Variants in SPAG16 observed in about 807,000 individuals in gnomAD.
SPAG16 encodes sperm-associated antigen 16 protein.
SPAG16 carries 86 observed loss-of-function variants against 80.4 expected under a neutral mutation model. The ratio of observed to expected loss-of-function variants is 1.07; its 90% CI spans 0.90 to 1.28. The LOEUF (loss-of-function observed/expected upper bound fraction) is 1.28, where lower values mean the gene tolerates loss of function less well. SPAG16 is among the 50% of genes most tolerant of loss of function. SPAG16 has a pLI of 0.00. For synonymous variants in SPAG16, 294 were observed against 265.9 expected, an observed-to-expected ratio of 1.11 and a Z score of -1.03; for missense variants, 870 against 765.3, an observed-to-expected ratio of 1.14 and a Z score of -1.61.
chr2:213,780,703 T>A (rs537028050), intron 10 of SPAG16, among the ~76,000 whole-genome samples: 1 of 152,078 alleles, frequency 6.6e-6, no homozygotes, highest in African/African-American at 2.4e-5. Flanking sequence ...GAATAATTTA[T>A]GTACTATTAC....
chr2:213,424,226 G>A (rs1206045732), intron 9 of SPAG16, among the ~76,000 whole-genome samples: 2 of 152,090 alleles, frequency 1.3e-5, no homozygotes, highest in Non-Finnish European at 2.9e-5. Flanking sequence ...TATGAGGAGG[G>A]AAATTTTCAA....
At chr2:213,746,104 C>T (rs886406857) in intron 10 of SPAG16, among the ~76,000 whole-genome samples, 6 of 152,212 alleles carry the variant, frequency 3.9e-5, no homozygotes, top group African/African-American at 1.2e-4. Context: ...AACAGATTTA[C>T]TGAAATTCTG....
chr2:214,283,705 T>C (rs1693134721), intron 15 of SPAG16, among the ~76,000 whole-genome samples: 1 of 152,214 alleles, frequency 6.6e-6, no homozygotes, highest in Non-Finnish European at 1.5e-5. Flanking sequence ...ATTGGCAGAA[T>C]TTTTGCTTGC....
intron 10 of SPAG16, among the ~76,000 whole-genome samples, chr2:213,794,513 C>G (rs1175079019): frequency 6.6e-6 from 1 of 151,960 alleles, no homozygotes; most frequent in African/African-American, 2.4e-5. Context: ...TTTTTCCTTT[C>G]CCTTATGTTG....
At chr2:214,170,182 A>C (rs999074828) in intron 15 of SPAG16, among the ~76,000 whole-genome samples, 4 of 149,344 alleles carry the variant, frequency 2.7e-5, no homozygotes, top group Non-Finnish European at 1.5e-5. Context: ...ATACACATAC[A>C]CTTAGGTGTG....
intron 9 of SPAG16, among the ~76,000 whole-genome samples, chr2:213,442,996 G>A (rs1429853713): frequency 6.6e-6 from 1 of 152,088 alleles, no homozygotes; most frequent in East Asian, 1.9e-4. Flanking sequence ...ATTTGCAGGA[G>A]ACATATCTGA....
intron 11 of SPAG16, among the ~76,000 whole-genome samples, chr2:213,929,000 CTTTTTTTTT>C (rs59993057): frequency 7.3e-5 from 3 of 40,852 alleles, no homozygotes; most frequent in Non-Finnish European, 1.2e-4. Context: ...CTTTTCTTTT[CTTTTTTTTT>C]TTTTTTTTTT....
chr2:214,329,956 A>C (rs533578939), intron 15 of SPAG16, among the ~76,000 whole-genome samples: 2 of 152,076 alleles, frequency 1.3e-5, no homozygotes, highest in African/African-American at 2.4e-5. Flanking sequence ...AAGAGGCCAG[A>C]AAGTAGGCAA....
chr2:214,038,608 T>C (rs1462208490), intron 13 of SPAG16, among the ~76,000 whole-genome samples: 2 of 152,222 alleles, frequency 1.3e-5, no homozygotes, highest in East Asian at 3.9e-4. Context: ...TAGTTACATA[T>C]ATATACATGT....
In SPAG16 at chr2:213,817,294, A is replaced by G. The variant is rs1236207550; in HGVS notation, c.1071-45191A>G. Among the ~76,000 whole-genome samples, 8 of 148,428 alleles carry G rather than the reference A, an allele frequency of 5.4e-5. No homozygotes were observed. The East Asian group carries it at 7.8e-4, about 14-fold the overall frequency. ...ATATATCACAGTCAGAATGGCTACT[A>G]TTAAAAAGTTAAAAAACAGCAGATG... On this transcript the variant is annotated intron_variant, in intron 10 of 15. Transcript: ENST00000331683.
chr2:214,024,400 TA>T (rs1395120774), intron 13 of SPAG16, among the ~76,000 whole-genome samples: 1 of 151,646 alleles, frequency 6.6e-6, no homozygotes. Flanking sequence ...AATTTAGATA[TA>T]GTAAATATAG....
At chr2:213,406,856 C>G (rs752111269) in intron 9 of SPAG16, among the ~76,000 whole-genome samples, 8 of 151,684 alleles carry the variant, frequency 5.3e-5, no homozygotes, top group African/African-American at 7.3e-5. Flanking sequence ...GCACCCAGCC[C>G]TAGTGTGGTG....
chr2:213,771,075 C>T (rs2069217226), intron 10 of SPAG16, among the ~76,000 whole-genome samples: 1 of 152,132 alleles, frequency 6.6e-6, no homozygotes. Context: ...TTTACATTCC[C>T]TCCAAAAGTA....
intron 15 of SPAG16, among the ~76,000 whole-genome samples, chr2:214,227,376 G>A (rs2058720052): frequency 6.6e-6 from 1 of 152,060 alleles, no homozygotes; most frequent in Middle Eastern, 3.4e-3. Flanking sequence ...AGACAAGAGA[G>A]AATTAAGTAA....
At chr2:213,510,846 A>G (rs1259021302) in intron 10 of SPAG16, among the ~76,000 whole-genome samples, 2 of 152,180 alleles carry the variant, frequency 1.3e-5, no homozygotes, top group African/African-American at 2.4e-5. Flanking sequence ...TGTTACTTGT[A>G]TTTCTAAATA....
intron 14 of SPAG16, among the ~76,000 whole-genome samples, chr2:214,115,644 T>C (rs2053894060): frequency 1.3e-5 from 2 of 152,054 alleles, no homozygotes; most frequent in African/African-American, 4.8e-5. Flanking sequence ...TTTGGGAGAC[T>C]GAGGCAGGCA....
At chr2:214,357,271 A>G (rs1252102554) in intron 15 of SPAG16, among the ~76,000 whole-genome samples, 4 of 151,892 alleles carry the variant, frequency 2.6e-5, no homozygotes, top group Non-Finnish European at 4.4e-5. Context: ...ATGGATTATT[A>G]TGTCATTTTC....
At chr2:214,079,136 TAGAA>T (rs2051235051) in intron 13 of SPAG16, among the ~76,000 whole-genome samples, 1 of 152,132 alleles carries the variant, frequency 6.6e-6, no homozygotes, top group South Asian at 2.1e-4. Context: ...CATAGCAAGA[TAGAA>T]AGACATGACA....
At chr2:214,371,720 G>A (rs1000310165) in intron 15 of SPAG16, among the ~76,000 whole-genome samples, 7 of 143,120 alleles carry the variant, frequency 4.9e-5, no homozygotes, top group South Asian at 2.2e-4. Context: ...TCACTCAGTC[G>A]TCCAGGCTGG....
Sources: gnomAD v4.1 joint callset for allele counts (sites outside exome capture counted in the v4.1 genomes callset) on GRCh38, gnomAD v4.1.1 for gene constraint, MANE v1.5 for transcripts, NCBI Gene and HGNC (gene_info 2026-07-23, HGNC 2026-07-21) for gene names.